PRMT7: variants seen among roughly 807,000 people sequenced by gnomAD.
The protein encoded by PRMT7 is protein arginine methyltransferase 7.
PRMT7 carries 75 observed loss-of-function variants against 85.4 expected under a neutral mutation model. The ratio of observed to expected loss-of-function variants is 0.88; its 90% CI spans 0.73 to 1.06. The LOEUF (loss-of-function observed/expected upper bound fraction) is 1.06. Among genes scored for constraint, PRMT7 ranks in the 50% least tolerant of loss-of-function variants. PRMT7 has a pLI of 0.00. For synonymous variants in PRMT7, 397 were observed against 359.5 expected (o/e 1.10, Z -1.18); for missense variants, 868 against 915.2 (o/e 0.95, Z 0.67).
At chr16:68,311,210 T>C (rs1490674342) in intron 1 of PRMT7, 111 bp downstream of exon 1, 7 of 544,346 alleles carry the variant, frequency 1.3e-5, no homozygotes, top group African/African-American at 3.8e-5. Context: ...GTGGGCCTAC[T>C]TGGACTCCTC....
chr16:68,346,380 T>C lies in PRMT7; in HGVS notation c.1191+100T>C, dbSNP rs557554928. Reference sequence around the variant, plus strand: ...CTTATGATTTGCTGTTTCTTTCCTGTGTCCTCTTGTCTATGAGTGGCTTCA... The same window carrying C: ...CTTATGATTTGCTGTTTCTTTCCTGCGTCCTCTTGTCTATGAGTGGCTTCA... On this transcript the variant is annotated intron_variant, in intron 11 of 18. Coordinates refer to ENST00000441236, the MANE Select transcript of PRMT7 (RefSeq NM_019023.5). The C allele has an allele frequency of 7.7e-5, 119 of 1,543,784 alleles. No individual in the cohort carries two copies. In the African/African-American group the frequency reaches 1.5e-3, roughly 20 times the overall value.
At chr16:68,337,625 A>G in intron 7 of PRMT7, 54 bp downstream of exon 7, 1 of 1,249,312 alleles carries the variant, frequency 8.0e-7, no homozygotes. Context: ...CAGCTCACAT[A>G]GCACTCACTC....
chr16:68,347,639 A>G lies in PRMT7; in HGVS notation c.1284A>G (p.Thr428=), dbSNP rs1334248769. 1.2e-6 allele frequency: 2 copies of G among 1,613,818 alleles called. No individual in the cohort carries two copies. The highest frequency in any genetic ancestry group is 3.3e-5 in the Admixed American group (2 of 60,018). The change falls in exon 13 of 19, where the codon ACA becomes ACG. Residue 428 remains threonine, a synonymous_variant. Transcript: ENST00000441236. ...CGTGGTGTTCCCTCTAGGTGTTTAC[A>G]GTCGAGAGTTCAGCAGCTTCTCACA... ...AHHLGVEQVF[T]VESSAASHKL... is the part of the protein sequence containing the mutation.
chr16:68,346,411 C>T (rs562081405), intron 11 of PRMT7, 131 bp downstream of exon 11: 36 of 1,327,990 alleles, frequency 2.7e-5, no homozygotes, highest in Non-Finnish European at 3.4e-5. Context: ...CTTCAGCGAG[C>T]GCCTCCTGGG....
At chr16:68,330,829 A>G (rs901629345) in intron 6 of PRMT7, among the ~76,000 whole-genome samples, 1 of 152,130 alleles carries the variant, frequency 6.6e-6, no homozygotes, top group Non-Finnish European at 1.5e-5. Context: ...TCCTGACCTC[A>G]GGTGACCAGC....
In PRMT7 at chr16:68,322,040, C is replaced by T. The variant is rs373382834; in HGVS notation, c.132+578C>T. Among the ~76,000 whole-genome samples, 6 of 151,740 alleles carry T rather than the reference C, an allele frequency of 4.0e-5. No homozygotes were observed. In the East Asian group the frequency reaches 7.8e-4, roughly 20 times the overall value. ...TCGGCTCACTGCAGCCTCAGTCTCC[C>T]GAGTTCAAGCGATTCTCCTGCCTCA... On this transcript the variant is annotated intron_variant, in intron 4 of 18. Transcript: ENST00000441236.
In PRMT7 at chr16:68,321,282, T is replaced by A. The variant is rs942069026; in HGVS notation, c.96-144T>A. 1.3e-4 allele frequency: 77 copies of A among 576,376 alleles called. No individual in the cohort carries two copies. The Middle Eastern group carries it at 2.6e-3, about 19-fold the overall frequency. The allele number at this position is 576,376 out of a possible 1,614,324, so 35.7% of individuals were successfully genotyped here. A position where few individuals can be genotyped will look rare whatever the true frequency, so the allele number is the denominator to read the frequency against. ...AGACCCTGTCTCAAAAAAAAAAAAA[T>A]AAATAAAGATAAAAGACAACCAAAA... On this transcript the variant is annotated intron_variant, in intron 3 of 18. Transcript: ENST00000441236.
intron 5 of PRMT7, among the ~76,000 whole-genome samples, chr16:68,326,604 C>T (rs1390915025): frequency 6.6e-6 from 1 of 152,142 alleles, no homozygotes; most frequent in Admixed American, 6.5e-5. Context: ...TATAGCAAAC[C>T]TCTCCTTGGG....
chr16:68,349,196 G>A (rs554583710), intron 14 of PRMT7, among the ~76,000 whole-genome samples: 2 of 152,210 alleles, frequency 1.3e-5, no homozygotes, highest in East Asian at 3.9e-4. Flanking sequence ...ACTTCTGCCT[G>A]TGCTGGGGAG....
chr16:68,340,806 G>A (rs2085413044), intron 9 of PRMT7, among the ~76,000 whole-genome samples: 1 of 152,182 alleles, frequency 6.6e-6, no homozygotes, highest in Non-Finnish European at 1.5e-5. Flanking sequence ...TGCAGCCCTG[G>A]TTTAGTAGAA....
rs190493943 is a variant in PRMT7 at position 68,339,188 on chromosome 16, A to C, written c.505-134A>C. ...GGCATAGGGCTGAAAACAGTTCACT[A>C]TTCTAATAGTATAAGGTGTTGGGCA... On this transcript the variant is annotated intron_variant, in intron 7 of 18. Coordinates refer to ENST00000441236, the MANE Select transcript of PRMT7 (RefSeq NM_019023.5). 5.1e-5 allele frequency: 59 copies of C among 1,148,698 alleles called. 1 individual carries two copies. The African/African-American group carries it at 7.7e-4, about 15-fold the overall frequency. The allele number at this position is 1,148,698 out of a possible 1,614,324, so 71.2% of individuals were successfully genotyped here.
At position 68,357,310 on chromosome 16, in the gene PRMT7, T is replaced by A; in HGVS notation, c.*86T>A. 7.2e-7 allele frequency: 1 copy of A among 1,391,540 alleles called. No individual in the cohort carries two copies. Among genetic ancestry groups the A allele is most frequent in the Non-Finnish European group, 9.8e-7 (1 of 1,021,374 alleles). The allele number at this position is 1,391,540 out of a possible 1,614,324, so 86.2% of individuals were successfully genotyped here. On this transcript the variant is annotated 3_prime_UTR_variant, in exon 19 of 19. Coordinates refer to ENST00000441236, the MANE Select transcript of PRMT7 (RefSeq NM_019023.5). ...GCGGGGAAGGCTGAAGGCCCTCCTC[T>A]CCTCTCTGGGAGCTGCTCGGCCTCA...
chr16:68,348,502 G>C, intron 14 of PRMT7, 71 bp downstream of exon 14: 1 of 1,258,124 alleles, frequency 7.9e-7, no homozygotes, highest in East Asian at 2.4e-5. Context: ...AAGTAGCCCA[G>C]GCCCCACCCT....
chr16:68,341,881 A>G (rs1433380382), intron 9 of PRMT7, among the ~76,000 whole-genome samples: 1 of 152,242 alleles, frequency 6.6e-6, no homozygotes, highest in Non-Finnish European at 1.5e-5. Context: ...TTGTGACCTA[A>G]CAATGGCTTC....
At chr16:68,329,401 C>G in intron 6 of PRMT7, 1 of 346,912 alleles carries the variant, frequency 2.9e-6, no homozygotes, top group South Asian at 4.6e-5. Flanking sequence ...GCAATGGAGA[C>G]GCAAACAAAA....
intron 3 of PRMT7, among the ~76,000 whole-genome samples, chr16:68,317,844 AG>A (rs2082046934): frequency 1.8e-5 from 1 of 57,026 alleles, no homozygotes; most frequent in African/African-American, 1.7e-4. Context: ...AAAAAAAAAA[AG>A]AAAAAAAACC....
Position 68,316,030 on chromosome 16 carries a change from G to A in PRMT7, c.51G>A (p.Trp17Ter), listed in dbSNP as rs1295361744. 9 of 1,613,730 alleles carry A rather than the reference G, an allele frequency of 5.6e-6. No individual in the cohort carries two copies. Among genetic ancestry groups the A allele is most frequent in the Non-Finnish European group, 7.6e-6 (9 of 1,179,964 alleles). ...ATCCGACCACGGGGTCTGTGGAGTGGCTGGAGGAGGATGAACACTATGATT... is the reference window on the plus strand; with the variant it reads ...ATCCGACCACGGGGTCTGTGGAGTGACTGGAGGAGGATGAACACTATGATT... ...RANPTTGSVE[W>*]LEEDEHYDYH... The change falls in exon 3 of 19, where the codon TGG becomes TGA. Residue 17 changes from tryptophan to a stop codon, truncating the protein, a stop_gained. Coordinates refer to ENST00000441236, the MANE Select transcript of PRMT7 (RefSeq NM_019023.5). LOFTEE classifies it high-confidence loss of function.
intron 5 of PRMT7, among the ~76,000 whole-genome samples, chr16:68,327,536 G>T (rs1441445047): frequency 6.6e-6 from 1 of 152,132 alleles, no homozygotes; most frequent in Non-Finnish European, 1.5e-5. Context: ...GTTGGTTGTT[G>T]GGGGAATGGG....
chr16:68,316,699 G>C (rs993158887), intron 3 of PRMT7: 1 of 152,452 alleles, frequency 6.6e-6, no homozygotes, highest in Non-Finnish European at 1.5e-5. Context: ...CTGGGAGGCA[G>C]AGGTTGTGTT....
Sources: allele counts gnomAD v4.1 joint callset (sites outside exome capture counted in the v4.1 genomes callset), GRCh38; gene constraint gnomAD v4.1.1; transcripts MANE v1.5; gene names NCBI Gene and HGNC (gene_info 2026-07-23, HGNC 2026-07-21).